SOX5: variants seen among roughly 807,000 people sequenced by gnomAD.
SOX5 encodes SRY-box transcription factor 5, also known as transcription factor SOX-5.
A neutral mutation model predicts 92.0 loss-of-function variants in SOX5; 9 were observed. The ratio of observed to expected loss-of-function variants is 0.10; its 90% CI spans 0.06 to 0.17. The LOEUF (loss-of-function observed/expected upper bound fraction) is 0.17. Among genes scored for constraint, SOX5 ranks in the 10% least tolerant of loss-of-function variants. The pLI is 1.00. For synonymous variants in SOX5, 344 were observed against 336.3 expected (o/e 1.02, Z -0.25); for missense variants, 642 against 944.5 (o/e 0.68, Z 4.20).
At chr12:24,475,198 T>C (rs138578406) in intron 1 of SOX5, among the ~76,000 whole-genome samples, 1 of 152,288 alleles carries the variant, frequency 6.6e-6, no homozygotes, top group East Asian at 1.9e-4. Flanking sequence ...GTCTACTCTT[T>C]TCTTTTTAGT....
At chr12:23,994,896 A>G (rs1042218752) in intron 4 of SOX5, among the ~76,000 whole-genome samples, 1 of 152,186 alleles carries the variant, frequency 6.6e-6, no homozygotes, top group Admixed American at 6.6e-5. Flanking sequence ...AGATGGCCAT[A>G]ATTTGATAGA....
intron 1 of SOX5, among the ~76,000 whole-genome samples, chr12:24,385,034 G>C (rs1017458857): frequency 2.6e-5 from 4 of 152,166 alleles, no homozygotes; most frequent in Non-Finnish European, 4.4e-5. Flanking sequence ...GAGAGAGAGA[G>C]AGACAGACCA....
chr12:24,325,260 G>A (rs1461717861), intron 2 of SOX5, among the ~76,000 whole-genome samples: 1 of 152,096 alleles, frequency 6.6e-6, no homozygotes, highest in African/African-American at 2.4e-5. Context: ...TTTCAGTTGG[G>A]CTGATACCAT....
chr12:23,947,586 A>AT (rs1944802537), intron 1 of SOX5, among the ~76,000 whole-genome samples: 1 of 151,870 alleles, frequency 6.6e-6, no homozygotes, highest in South Asian at 2.1e-4. Context: ...ATTGTGTGAC[A>AT]TTTTTCAGAA....
At chr12:23,640,967 T>C in intron 7 of SOX5, 70 bp from the exon 8 acceptor site, 1 of 1,034,866 alleles carries the variant, frequency 9.7e-7, no homozygotes, top group Non-Finnish European at 1.5e-6. Flanking sequence ...AACTCATGCA[T>C]TCACTCTTTC....
At chr12:23,911,899 G>A (rs544276343) in intron 1 of SOX5, among the ~76,000 whole-genome samples, 4 of 152,078 alleles carry the variant, frequency 2.6e-5, no homozygotes, top group Non-Finnish European at 5.9e-5. Context: ...GCAATGGTTT[G>A]CTACATTCGA....
chr12:23,648,904 A>C (rs913415477), intron 7 of SOX5, among the ~76,000 whole-genome samples: 3 of 152,196 alleles, frequency 2.0e-5, no homozygotes, highest in African/African-American at 7.2e-5. Context: ...AATCATATAT[A>C]GTTTCAAATA....
At chr12:24,504,552 TC>T (rs1429610144) in intron 1 of SOX5, among the ~76,000 whole-genome samples, 1 of 152,156 alleles carries the variant, frequency 6.6e-6, no homozygotes, top group Non-Finnish European at 1.5e-5. Context: ...TCATGACAAT[TC>T]TAAAAATTAA....
chr12:23,604,530 A>G lies in SOX5; in HGVS notation c.1021T>C (p.Leu341=), dbSNP rs775553268. 6.2e-7 allele frequency: 1 copy of G among 1,613,236 alleles called. No homozygotes were observed. Among genetic ancestry groups the G allele is most frequent in the Non-Finnish European group, 8.5e-7 (1 of 1,179,598 alleles). ...ATTGCAGCTAGCTGGGCAGCATATA[A>G]CTGCTACAGAAGAAAAAGAGAGAGA... ...PGLGPLQLQQ[L]YAAQLAAMQV... The change falls in exon 9 of 15, where the codon TTA becomes CTA. Residue 341 remains leucine, a synonymous_variant. Transcript: ENST00000451604.
intron 2 of SOX5, among the ~76,000 whole-genome samples, chr12:24,311,881 A>T (rs989057806): frequency 6.6e-6 from 1 of 152,196 alleles, no homozygotes; most frequent in African/African-American, 2.4e-5. Context: ...CTTGTAAAAT[A>T]TATATTTTTA....
At chr12:23,715,006 C>G (rs768240029) in intron 6 of SOX5, among the ~76,000 whole-genome samples, 1 of 152,054 alleles carries the variant, frequency 6.6e-6, no homozygotes, top group Non-Finnish European at 1.5e-5. Context: ...CAGTTAATAA[C>G]TATCTTTGAG....
At chr12:24,273,444 C>T (rs1239421652) in intron 3 of SOX5, among the ~76,000 whole-genome samples, 1 of 152,100 alleles carries the variant, frequency 6.6e-6, no homozygotes, top group East Asian at 1.9e-4. Flanking sequence ...AGAAATGTTC[C>T]CATTCATCCA....
intron 8 of SOX5, among the ~76,000 whole-genome samples, chr12:23,629,186 G>T (rs1216891799): frequency 2.0e-5 from 3 of 151,980 alleles, no homozygotes; most frequent in African/African-American, 7.2e-5. Flanking sequence ...TCAGCAAAAT[G>T]AAAGCAATTC....
At position 24,082,404 on chromosome 12, in the gene SOX5, G is replaced by GAAAAAAAAAAA. The variant is rs58736325; in HGVS notation, c.-2+130928_-2+130938dup. On this transcript the variant is annotated intron_variant, in intron 4 of 4. Transcript: ENST00000446891. ...TCACCAGGGCTGCTCCTTTCGAAAA[G>GAAAAAAAAAAA]AAAAAAAAAAAAAAAAAAAAAAAAA... 9.5e-5 allele frequency among the ~76,000 whole-genome samples: 7 copies of GAAAAAAAAAAA among 73,386 alleles called. 1 individual carries two copies. The highest frequency in any genetic ancestry group is 1.2e-4 in the Non-Finnish European group (5 of 41,370). 48.1% of individuals were successfully genotyped at this position (73,386 alleles called of 152,430 possible).
chr12:24,066,451 T>C (rs1364768264), intron 4 of SOX5, among the ~76,000 whole-genome samples: 2 of 151,940 alleles, frequency 1.3e-5, no homozygotes, highest in Non-Finnish European at 2.9e-5. Flanking sequence ...TCAATAAGTG[T>C]TGAAATAATG....
At chr12:24,197,548 G>C (rs1415919788) in intron 4 of SOX5, among the ~76,000 whole-genome samples, 14 of 152,114 alleles carry the variant, frequency 9.2e-5, no homozygotes, top group Non-Finnish European at 2.1e-4. Context: ...CCTGCTTACA[G>C]CAATGAGATG....
Position 23,983,932 on chromosome 12 carries a change from G to T in SOX5, c.-1-87908C>A, listed in dbSNP as rs373440471. ...TTAAAACAACAAAATAAACCTCAAT[G>T]TGCAGCTTGGGAAATCCAAATCCAC... On this transcript the variant is annotated intron_variant, in intron 4 of 4. Transcript: ENST00000446891. Among the ~76,000 whole-genome samples the T allele has an allele frequency of 4.7e-4, 72 of 152,194 alleles. 1 individual carries two copies. The highest frequency in any genetic ancestry group is 1.6e-3 in the African/African-American group (67 of 41,524).
chr12:24,124,371 T>C (rs1948904489), intron 4 of SOX5, among the ~76,000 whole-genome samples: 1 of 152,148 alleles, frequency 6.6e-6, no homozygotes. Flanking sequence ...ATTTGGAGCG[T>C]GGTTTTTCCT....
In SOX5 at chr12:23,607,710, G is replaced by A. The variant is rs2075416105; in HGVS notation, c.1018-3177C>T. Among the ~76,000 whole-genome samples, 4 of 152,134 alleles carry A rather than the reference G, an allele frequency of 2.6e-5. No individual in the cohort carries two copies. The South Asian group carries it at 8.3e-4, about 32-fold the overall frequency. ...ATTGGTTGACCTTGTAGATGGGAAA[G>A]GGGCATGAAATCTAGTGACCACTGG... On this transcript the variant is annotated intron_variant, in intron 8 of 14. Coordinates refer to ENST00000451604, the MANE Select transcript of SOX5 (RefSeq NM_006940.6).
Sources: allele counts gnomAD v4.1 joint callset (sites outside exome capture counted in the v4.1 genomes callset), GRCh38; gene constraint gnomAD v4.1.1; transcripts MANE v1.5; gene names NCBI Gene and HGNC (gene_info 2026-07-23, HGNC 2026-07-21).